RMI1: variants seen among roughly 807,000 people sequenced by gnomAD.
The protein encoded by RMI1 is recQ-mediated genome instability protein 1.
A neutral mutation model predicts 46.7 loss-of-function variants in RMI1; 36 were observed. The ratio of observed to expected loss-of-function variants is 0.77; its 90% confidence interval spans 0.59 to 1.02. The LOEUF is 1.02. Ranked by LOEUF, RMI1 falls within the 50% of genes least tolerant of loss-of-function variation. RMI1 has a pLI of 0.00. For missense variants in RMI1, 676 were observed against 713.7 expected (o/e 0.95, Z 0.60); for synonymous variants, 250 against 252.9 (o/e 0.99, Z 0.11).
At chr9:83,990,225 T>A (rs1227302141) in intron 1 of RMI1, among the ~76,000 whole-genome samples, 2 of 151,968 alleles carry the variant, frequency 1.3e-5, no homozygotes, top group Non-Finnish European at 2.9e-5. Flanking sequence ...GGTGTAAAAA[T>A]ACAGTTAGAG....
At chr9:83,991,803 G>T (rs1957578769) in intron 1 of RMI1, among the ~76,000 whole-genome samples, 1 of 152,106 alleles carries the variant, frequency 6.6e-6, no homozygotes, top group Non-Finnish European at 1.5e-5. Flanking sequence ...ATATATATGT[G>T]TGTCTATTTG....
At chr9:83,980,459 C>G (rs1054870522), upstream of RMI1, 2 of 152,778 alleles carry the variant, frequency 1.3e-5, no homozygotes, top group Admixed American at 6.5e-5. Flanking sequence ...AGCCCCAACC[C>G]TTACCCGAAT....
intron 1 of RMI1, among the ~76,000 whole-genome samples, chr9:83,986,394 A>C (rs1957491304): frequency 6.6e-6 from 1 of 152,198 alleles, no homozygotes; most frequent in African/African-American, 2.4e-5. Context: ...TTTATACATA[A>C]GTGGGTTTTA....
chr9:83,992,799 A>G (rs1957593484), intron 1 of RMI1: 1 of 152,160 alleles, frequency 6.6e-6, no homozygotes, highest in African/African-American at 2.4e-5. Flanking sequence ...GCTTTTTTGT[A>G]GATTCTTTAG....
At chr9:83,996,212 T>C (rs1025626545) in intron 1 of RMI1, among the ~76,000 whole-genome samples, 1 of 152,244 alleles carries the variant, frequency 6.6e-6, no homozygotes, top group Non-Finnish European at 1.5e-5. Flanking sequence ...GGGTTTTTAC[T>C]TAGTGAATAG....
Position 84,002,067 on chromosome 9 carries a change from A to G in RMI1, c.1081A>G (p.Asn361Asp), listed in dbSNP as rs746145266. 6 of 1,613,852 alleles carry G rather than the reference A, an allele frequency of 3.7e-6. No homozygotes were observed. Among genetic ancestry groups the G allele is most frequent in the African/African-American group, 2.7e-5 (2 of 75,058 alleles). Reference protein sequence around the residue: ...RFSHNPNTTNNFSLTCKNGNN... With the variant: ...RFSHNPNTTNDFSLTCKNGNN... Reference sequence around the variant, plus strand: ...TTCACATAATCCTAATACTACGAATAACTTTTCTTTGACTTGCAAAAATGG... The same window carrying G: ...TTCACATAATCCTAATACTACGAATGACTTTTCTTTGACTTGCAAAAATGG... The change falls in exon 3 of 3, where the codon AAC becomes GAC. Residue 361 changes from asparagine (N) to aspartate (D), a missense_variant. Coordinates refer to ENST00000445877, the MANE Select transcript of RMI1 (RefSeq NM_001358291.2).
intron 1 of RMI1, among the ~76,000 whole-genome samples, chr9:83,987,643 C>T (rs1198062135): frequency 1.3e-5 from 2 of 152,094 alleles, no homozygotes; most frequent in Non-Finnish European, 2.9e-5. Flanking sequence ...TTCTTTTGCC[C>T]CTTGTAGTCA....
At position 84,002,640 on chromosome 9, in the gene RMI1, A is replaced by G. The variant is rs185490383; in HGVS notation, c.1654A>G (p.Ser552Gly). 1.9e-6 allele frequency: 3 copies of G among 1,613,976 alleles called. No individual in the cohort carries two copies. The highest frequency in any genetic ancestry group is 1.3e-5 in the African/African-American group (1 of 75,062). The change falls in exon 3 of 3, where the codon AGC (serine) becomes GGC (glycine). Residue 552 changes from serine to glycine, a missense_variant. Coordinates refer to ENST00000445877, the MANE Select transcript of RMI1 (RefSeq NM_001358291.2). The stretch of plus-strand genomic sequence containing the variant: ...AGACTTTGTGGATGAAATACTTACT[A>G]GCTTGATAGGGTTCTCAGTACCAGA... ...DVDFVDEILT[S>G]LIGFSVPEMK...
At chr9:83,991,581 G>A in intron 1 of RMI1, among the ~76,000 whole-genome samples, 2 of 152,154 alleles carry the variant, frequency 1.3e-5, no homozygotes, top group Non-Finnish European at 1.5e-5. Flanking sequence ...GCCTCCCAAA[G>A]TGCTAGGATT....
chr9:83,990,462 A>G (rs373822940), intron 1 of RMI1, among the ~76,000 whole-genome samples: 1 of 151,630 alleles, frequency 6.6e-6, no homozygotes, highest in East Asian at 1.9e-4. Flanking sequence ...GTGAGTCGAG[A>G]TAGCGCCGCT....
intron 1 of RMI1, among the ~76,000 whole-genome samples, chr9:83,992,583 T>C (rs910352098): frequency 1.3e-5 from 2 of 152,186 alleles, no homozygotes; most frequent in Non-Finnish European, 2.9e-5. Flanking sequence ...GCTGGGAATG[T>C]GCATGTTGGG....
rs1282430367 is a variant in RMI1 at position 84,003,164 on chromosome 9, C to G, written c.*300C>G. 2 of 202,556 alleles carry G rather than the reference C, an allele frequency of 9.9e-6. No individual in the cohort carries two copies. The highest frequency in any genetic ancestry group is 2.4e-4 in the East Asian group (2 of 8,168). 12.5% of individuals were successfully genotyped at this position (202,556 alleles called of 1,614,324 possible). A position where few individuals can be genotyped will look rare whatever the true frequency, so the allele number is the denominator to read the frequency against. ...GCTCAAGCGATCCTCCTGCCTTAGCCTCTTGAGTTGCTGGGACTATAGGCA... is the reference window on the plus strand; with the variant it reads ...GCTCAAGCGATCCTCCTGCCTTAGCGTCTTGAGTTGCTGGGACTATAGGCA... On this transcript the variant is annotated 3_prime_UTR_variant, in exon 3 of 3. Transcript: ENST00000445877.
chr9:84,002,180 C>CA lies in RMI1; in HGVS notation c.1195dup (p.Arg399LysfsTer9). On this transcript the variant is annotated frameshift_variant, in exon 3 of 3. Coordinates refer to ENST00000445877, the MANE Select transcript of RMI1 (RefSeq NM_001358291.2). LOFTEE classifies it high-confidence loss of function. ...GTTGTCCATCTGTTAGAGACCAAAA[C>CA]AGGAGTATTTTTTCAGTTCATTGTA... 6.2e-7 allele frequency: 1 copy of CA among 1,613,514 alleles called. No individual in the cohort carries two copies. Among genetic ancestry groups the CA allele is most frequent in the East Asian group, 2.2e-5 (1 of 44,808 alleles).
In RMI1 at chr9:84,002,772, T is replaced by C. The variant is rs754942728; in HGVS notation, c.1786T>C (p.Phe596Leu). Residue 596 changes from phenylalanine to leucine, a missense_variant, in exon 3 of 3, where the codon TTT becomes CTT. Coordinates refer to ENST00000445877, the MANE Select transcript of RMI1 (RefSeq NM_001358291.2). The part of the protein sequence containing the change: ...IDLCCLMTIS[F>L]NPSLSKAMVL... ...TTTGTGCTGTCTAATGACTATTTCATTTAATCCTTCCTTGTCTAAAGCAAT... is the reference window on the plus strand; with the variant it reads ...TTTGTGCTGTCTAATGACTATTTCACTTAATCCTTCCTTGTCTAAAGCAAT... 6.2e-7 allele frequency: 1 copy of C among 1,613,092 alleles called. No individual in the cohort carries two copies.
chr9:84,001,194 C>T lies in RMI1; in HGVS notation c.208C>T (p.Pro70Ser), dbSNP rs1209150949. 1.2e-6 allele frequency: 2 copies of T among 1,614,096 alleles called. No individual in the cohort carries two copies. The highest frequency in any genetic ancestry group is 1.7e-5 in the Admixed American group (1 of 60,018). ...DLRDLEHPLL[P>S]DGILEIPKGE... The stretch of plus-strand genomic sequence containing the variant: ...GAGGGATTTGGAGCATCCTCTTTTA[C>T]CCGATGGCATTTTAGAAATTCCAAA... The change falls in exon 3 of 3, where the codon CCC becomes TCC. Residue 70 changes from proline (P) to serine (S), a missense_variant. By Grantham distance (74) the Pro-to-Ser change is moderately conservative (BLOSUM62 -1). Transcript: ENST00000445877.
rs1290702929 is a variant in RMI1, at chr9:84,001,379, T to G, written c.393T>G (p.Pro131=). Residue 131 remains proline (P), a synonymous_variant, in exon 3 of 3, where the codon CCT becomes CCG. Transcript: ENST00000445877. The stretch of plus-strand genomic sequence containing the variant: ...CCCCAAAACCTTGGGAAGCAAAGCC[T>G]TCACGAATGTTGATGCTGCAGCTAA... ...QVTPKPWEAK[P]SRMLMLQLTD... 6.2e-7 allele frequency: 1 copy of G among 1,614,132 alleles called. No homozygotes were observed. The highest frequency in any genetic ancestry group is 1.7e-5 in the Admixed American group (1 of 60,020).
chr9:83,995,389 T>C (rs1957634971), intron 1 of RMI1, among the ~76,000 whole-genome samples: 1 of 152,014 alleles, frequency 6.6e-6, no homozygotes, highest in Non-Finnish European at 1.5e-5. Context: ...CTATGTTCCC[T>C]ACTTCTTAGT....
chr9:83,992,964 A>T (rs1170964783), intron 1 of RMI1: 2 of 152,158 alleles, frequency 1.3e-5, no homozygotes, highest in African/African-American at 4.8e-5. Context: ...TTTACAACTA[A>T]TTGATCACAA....
At chr9:83,983,422 C>A (rs1957447605) in intron 1 of RMI1, among the ~76,000 whole-genome samples, 1 of 152,216 alleles carries the variant, frequency 6.6e-6, no homozygotes, top group South Asian at 2.1e-4. Context: ...AGTATCTTCT[C>A]AAAAATTCCA....
Sources: gnomAD v4.1 joint callset for allele counts (sites outside exome capture counted in the v4.1 genomes callset) on GRCh38, gnomAD v4.1.1 for gene constraint, MANE v1.5 for transcripts, NCBI Gene and HGNC (gene_info 2026-07-23, HGNC 2026-07-21) for gene names.